Variants in ZNF732 observed in about 807,000 individuals in gnomAD.
ZNF732 encodes the protein zinc finger protein 732.
Under a neutral mutation model 11.5 loss-of-function variants are expected in ZNF732, and 12 were observed. That is an observed-to-expected ratio of 1.05 (90% CI 0.67 to 1.70). ZNF732 has a LOEUF of 1.70. Ranked by LOEUF, ZNF732 falls within the 40% of genes most tolerant of loss-of-function variation. The pLI is 0.00. For synonymous variants in ZNF732, 231 were observed against 236.5 expected, an observed-to-expected ratio of 0.98 and a Z score of 0.21; for missense variants, 702 against 676.9, an observed-to-expected ratio of 1.04 and a Z score of -0.41.
At chr4:302,747 A>C (rs1224592085) in intron 1 of ZNF732, among the ~76,000 whole-genome samples, 13 of 152,382 alleles carry the variant, frequency 8.5e-5, no homozygotes, top group Non-Finnish European at 1.8e-4. Context: ...AAAGAAGCAG[A>C]GAAAATACTT....
At chr4:291,759 C>T (rs6832556) in intron 3 of ZNF732, among the ~76,000 whole-genome samples, 8,371 of 152,114 alleles carry the variant, frequency 0.055, 364 homozygotes, top group African/African-American at 0.12. Context: ...TTTTAAATAA[C>T]GTAAGCCATC....
intron 3 of ZNF732, among the ~76,000 whole-genome samples, chr4:275,240 C>G (rs1553838484): frequency 6.6e-6 from 1 of 151,526 alleles, no homozygotes; most frequent in African/African-American, 2.4e-5. Flanking sequence ...ATAAAGAAAA[C>G]TAAAAAATTT....
chr4:293,405 T>C (rs1436040424), intron 3 of ZNF732, among the ~76,000 whole-genome samples: 3 of 151,036 alleles, frequency 2.0e-5, no homozygotes, highest in Non-Finnish European at 2.9e-5. Context: ...CTGGAGGAAA[T>C]GATGCTAAAT....
chr4:299,946 C>T (rs113135022), intron 1 of ZNF732, among the ~76,000 whole-genome samples: 13 of 147,684 alleles, frequency 8.8e-5, no homozygotes, highest in Non-Finnish European at 1.3e-4. Context: ...TCAGGTGATC[C>T]GCCTGCCTCG....
chr4:291,986 T>C (rs2108658054), intron 3 of ZNF732, among the ~76,000 whole-genome samples: 1 of 152,302 alleles, frequency 6.6e-6, no homozygotes, highest in East Asian at 1.9e-4. Context: ...TGTCAATACG[T>C]GGTGCCAGAA....
intron 1 of ZNF732, among the ~76,000 whole-genome samples, chr4:301,138 A>G (rs1163512297): frequency 6.6e-6 from 1 of 152,232 alleles, no homozygotes; most frequent in African/African-American, 2.4e-5. Context: ...ACTGGCCATC[A>G]GAGAAAATGC....
intron 1 of ZNF732, among the ~76,000 whole-genome samples, chr4:299,073 T>C (rs147947435): frequency 6.6e-6 from 1 of 152,060 alleles, no homozygotes; most frequent in Non-Finnish European, 1.5e-5. Context: ...TCCTGTCTTG[T>C]GAATCCTAGG....
Position 270,712 on chromosome 4 carries a change from T to A in ZNF732, c.*387A>T. 1 of 399,378 alleles carries A rather than the reference T, an allele frequency of 2.5e-6. No homozygotes were observed. The highest frequency in any genetic ancestry group is 2.4e-5 in the South Asian group (1 of 42,474). 24.7% of individuals were successfully genotyped at this position (399,378 alleles called of 1,614,324 possible). On this transcript the variant is annotated 3_prime_UTR_variant, in exon 4 of 4. Transcript: ENST00000419098. ...GTTCTCTCCATTATGAATTTTCTCA[T>A]GTTTATTTATGGGTGAGGACCGTTT...
chr4:300,400 T>C lies in ZNF732; in HGVS notation c.4-4245A>G, dbSNP rs186574297. On this transcript the variant is annotated intron_variant, in intron 1 of 3. Coordinates refer to ENST00000419098, the MANE Select transcript of ZNF732 (RefSeq NM_001137608.3). ...ATCACTTGAACTCAGGGGGCAGAGG[T>C]TGTAGTGAGCAACCACTGCACTCCA... Among the ~76,000 whole-genome samples, 604 of 147,850 alleles carry C rather than the reference T, an allele frequency of 4.1e-3. 2 individuals are homozygous for C. Among genetic ancestry groups the C allele is most frequent in the African/African-American group, 0.014 (565 of 39,922 alleles).
intron 1 of ZNF732, among the ~76,000 whole-genome samples, chr4:299,773 C>T (rs1312919754): frequency 4.8e-5 from 7 of 147,168 alleles, no homozygotes; most frequent in Admixed American, 3.4e-4. Context: ...ATCAGCTGAC[C>T]GCAACCTCTG....
intron 3 of ZNF732, among the ~76,000 whole-genome samples, chr4:284,069 C>G (rs1291570083): frequency 2.0e-5 from 3 of 152,060 alleles, no homozygotes; most frequent in African/African-American, 7.2e-5. Flanking sequence ...CGCCACCACG[C>G]CCGGCTAATT....
At position 271,838 on chromosome 4, in the gene ZNF732, C is replaced by A; in HGVS notation, c.1019G>T (p.Gly340Val). The change falls in exon 4 of 4, where the codon GGC becomes GTC. Residue 340 changes from glycine to valine, a missense_variant. This residue lies in a region of ZNF732 where 596 missense variants were observed against 557.9 expected (regional missense o/e 1.07). Transcript: ENST00000419098. ...GEKPYTCEEC[G>V]KAFSRSSVLN... ...AACTGAGGACCTACTAAAGGCTTTGCCACATTCTTCACATGTGTAGGGTTT... is the reference window on the plus strand; with the variant it reads ...AACTGAGGACCTACTAAAGGCTTTGACACATTCTTCACATGTGTAGGGTTT... 1 of 1,613,528 alleles carries A rather than the reference C, an allele frequency of 6.2e-7. No individual in the cohort carries two copies. The highest frequency in any genetic ancestry group is 8.5e-7 in the Non-Finnish European group (1 of 1,179,798).
rs369581870 is a variant in ZNF732, at chr4:296,000, T to C, written c.130+29A>G. 12 of 1,603,864 alleles carry C rather than the reference T, an allele frequency of 7.5e-6. No homozygotes were observed. In the African/African-American group the frequency reaches 1.3e-4, roughly 18 times the overall value. ...AAAATAAAACTCCCTGAGGGAGTATTAGGAATTATTTACTGAAGTTATCCT... is the reference window on the plus strand; with the variant it reads ...AAAATAAAACTCCCTGAGGGAGTATCAGGAATTATTTACTGAAGTTATCCT... On this transcript the variant is annotated intron_variant, in intron 2 of 3. Coordinates refer to ENST00000419098, the MANE Select transcript of ZNF732 (RefSeq NM_001137608.3).
At chr4:288,310 AAC>A (rs753545799) in intron 3 of ZNF732, among the ~76,000 whole-genome samples, 58 of 152,346 alleles carry the variant, frequency 3.8e-4, no homozygotes, top group Non-Finnish European at 6.8e-4. Context: ...TATGTAAGAA[AAC>A]ATTGCTGAGA....
At chr4:288,213 CTT>C (rs377334890) in intron 3 of ZNF732, among the ~76,000 whole-genome samples, 37 of 152,176 alleles carry the variant, frequency 2.4e-4, no homozygotes, top group African/African-American at 7.7e-4. Flanking sequence ...AGGTGGGACT[CTT>C]AATGTTTGTT....
At position 283,524 on chromosome 4, in the gene ZNF732, A is replaced by C. The variant is rs1282267999; in HGVS notation, c.227-10894T>G. 4.6e-5 allele frequency among the ~76,000 whole-genome samples: 7 copies of C among 152,014 alleles called. 1 individual carries two copies. The highest frequency in any genetic ancestry group is 7.2e-5 in the African/African-American group (3 of 41,414). ...AAAAAAATCTGCCACAAAAAAAAAA[A>C]CTTCATGATATAGTGATAAGAGGCT... On this transcript the variant is annotated intron_variant, in intron 3 of 3. Transcript: ENST00000419098.
chr4:292,922 G>T (rs1191119399), intron 3 of ZNF732, among the ~76,000 whole-genome samples: 8 of 123,386 alleles, frequency 6.5e-5, no homozygotes, highest in Non-Finnish European at 9.9e-5. Flanking sequence ...AAAAAAATTA[G>T]CCAGGCGTGG....
intron 3 of ZNF732, among the ~76,000 whole-genome samples, chr4:284,250 G>A (rs1283868411): frequency 3.3e-5 from 5 of 151,876 alleles, no homozygotes; most frequent in African/African-American, 1.2e-4. Flanking sequence ...TTTTATAAAT[G>A]AGAAATCAAT....
intron 3 of ZNF732, among the ~76,000 whole-genome samples, chr4:293,298 A>ATATGTG (rs1553841676): frequency 2.1e-5 from 3 of 143,158 alleles, no homozygotes; most frequent in African/African-American, 5.3e-5. Context: ...ATATATATAT[A>ATATGTG]TGTGTGTGTG....
Sources: gnomAD v4.1 joint callset for allele counts (sites outside exome capture counted in the v4.1 genomes callset) on GRCh38, gnomAD v4.1.1 for gene constraint, gnomAD v4.1.1 regional missense constraint, MANE v1.5 for transcripts, NCBI Gene and HGNC (gene_info 2026-07-23, HGNC 2026-07-21) for gene names.